Variants in ARAP1 observed in about 807,000 individuals in gnomAD.
ARAP1 encodes the protein arf-GAP with Rho-GAP domain, ANK repeat and PH domain-containing protein 1.
In ARAP1, 76 loss-of-function variants were observed where a neutral mutation model predicts 172.2. That is an observed-to-expected ratio of 0.44 (90% CI 0.37 to 0.53). The LOEUF (loss-of-function observed/expected upper bound fraction) is 0.53, where lower values mean the gene tolerates loss of function less well. Ranked by LOEUF, ARAP1 falls within the 20% of genes least tolerant of loss-of-function variation. ARAP1 has a pLI of 0.00. For synonymous variants in ARAP1, 804 were observed against 803.3 expected (o/e 1.00, Z -0.01); for missense variants, 1,686 against 1,977.5 (o/e 0.85, Z 2.80).
intron 29 of ARAP1, 185 bp from the exon 30 acceptor site, chr11:72,692,970 G>A: frequency 1.3e-6 from 1 of 744,898 alleles, no homozygotes; most frequent in South Asian, 1.6e-5. Flanking sequence ...GGGTGGCCCG[G>A]GAGGCATATG....
intron 30 of ARAP1, among the ~76,000 whole-genome samples, chr11:72,689,203 G>A (rs891063006): frequency 6.6e-6 from 1 of 152,232 alleles, no homozygotes. Context: ...AGGGACACCA[G>A]ATTGCCAAAA....
At position 72,686,096 on chromosome 11, in the gene ARAP1, AC is replaced by A; in HGVS notation, c.4280del (p.Gly1427ValfsTer53). The A allele has an allele frequency of 6.8e-6, 11 of 1,613,868 alleles. No individual in the cohort carries two copies. The highest frequency in any genetic ancestry group is 9.3e-6 in the Non-Finnish European group (11 of 1,179,982). On this transcript the variant is annotated frameshift_variant, in exon 34 of 35. Transcript: ENST00000393609. LOFTEE classifies it high-confidence loss of function. ...LGSVSLIPLR[G>X]SENEMRRSVA... ...CACTCCGGCGCATTTCATTTTCACTACCTCGAAGGGGGATCAGTGACACACT... is the reference window on the plus strand; with the variant it reads ...CACTCCGGCGCATTTCATTTTCACTACTCGAAGGGGGATCAGTGACACACT...
chr11:72,734,444 A>C (rs142847931), intron 1 of ARAP1, among the ~76,000 whole-genome samples: 160 of 152,346 alleles, frequency 1.1e-3, no homozygotes, highest in Non-Finnish European at 3.1e-4. Flanking sequence ...CTTAAAAAAC[A>C]ACCTTTAAGT....
chr11:72,704,195 C>A lies in ARAP1; in HGVS notation c.1949G>T (p.Arg650Leu). Residue 650 changes from arginine to leucine, a missense_variant, in exon 14 of 35, where the codon CGC (arginine) becomes CTC (leucine). By Grantham distance (102) the Arg-to-Leu change is moderately radical (BLOSUM62 -2). Transcript: ENST00000393609. ...LEAKYREGKY[R>L]RYHPLFGNQE... ...GTTGCCAAAGAGCGGGTGGTAGCGGCGGTACTTGCCCTCACGGTACTTGGC... is the reference window on the plus strand; with the variant it reads ...GTTGCCAAAGAGCGGGTGGTAGCGGAGGTACTTGCCCTCACGGTACTTGGC... 6.2e-7 allele frequency: 1 copy of A among 1,614,030 alleles called. No homozygotes were observed. The highest frequency in any genetic ancestry group is 8.5e-7 in the Non-Finnish European group (1 of 1,180,000).
At position 72,699,703 on chromosome 11, in the gene ARAP1, C is replaced by T. The variant is rs1856387485; in HGVS notation, c.2303-151G>A. On this transcript the variant is annotated intron_variant, in intron 16 of 34. Transcript: ENST00000393609. This position sits in a 1 kb window ranked among gnomAD's most constrained non-coding sequence, Gnocchi z 4.2. ...AAATCCATCCACCTCTCTGCATCCCCACCACGCTAGCCAGCCCACAAGTCA... is the reference window on the plus strand; with the variant it reads ...AAATCCATCCACCTCTCTGCATCCCTACCACGCTAGCCAGCCCACAAGTCA... The T allele has an allele frequency of 9.0e-7, 1 of 1,115,182 alleles. No homozygotes were observed. Among genetic ancestry groups the T allele is most frequent in the South Asian group, 1.6e-5 (1 of 63,732 alleles). The allele number at this position is 1,115,182 out of a possible 1,614,324, so 69.1% of individuals were successfully genotyped here.
chr11:72,751,757 C>G, intron 1 of ARAP1, among the ~76,000 whole-genome samples: 1 of 152,126 alleles, frequency 6.6e-6, no homozygotes, highest in South Asian at 2.1e-4. Flanking sequence ...TCCCCTGCCC[C>G]CAGGCTGCAC....
At position 72,712,572 on chromosome 11, in the gene ARAP1, C is replaced by A. The variant is rs768135199; in HGVS notation, c.748-4G>T. ...CTCGGCTCGGTGGGGGCTCCTCCTG[C>A]CCCCGAGACCCACTCAGCGTCATCC... On this transcript the variant is annotated splice_polypyrimidine_tract_variant and splice_region_variant and intron_variant, in intron 5 of 34. Transcript: ENST00000393609. 2 of 1,611,624 alleles carry A rather than the reference C, an allele frequency of 1.2e-6. No individual in the cohort carries two copies. Among genetic ancestry groups the A allele is most frequent in the Non-Finnish European group, 1.7e-6 (2 of 1,179,952 alleles).
Position 72,725,798 on chromosome 11 carries a change from A to C in ARAP1, c.509+822T>G, listed in dbSNP as rs1402288007. On this transcript the variant is annotated intron_variant, in intron 3 of 34. Coordinates refer to ENST00000393609, the MANE Select transcript of ARAP1 (RefSeq NM_001040118.3). This position sits in a 1 kb window ranked among gnomAD's most constrained non-coding sequence, Gnocchi z 4.3. ...GCAGAGTGCCCAGCAATAAACAAAC[A>C]GGGACCAGGAGACCTCTCTCCGCAC... Among the ~76,000 whole-genome samples, 1 of 152,152 alleles carries C rather than the reference A, an allele frequency of 6.6e-6. No homozygotes were observed. The highest frequency in any genetic ancestry group is 6.5e-5 in the Admixed American group (1 of 15,282).
intron 3 of ARAP1, among the ~76,000 whole-genome samples, chr11:72,717,656 C>T (rs538502642): frequency 5.3e-5 from 8 of 152,344 alleles, no homozygotes; most frequent in Non-Finnish European, 1.2e-4. Flanking sequence ...CAGGGACTTA[C>T]AAACACCTGG....
At chr11:72,738,519 G>T (rs1858103456) in intron 1 of ARAP1, among the ~76,000 whole-genome samples, 1 of 152,062 alleles carries the variant, frequency 6.6e-6, no homozygotes, top group Non-Finnish European at 1.5e-5. Flanking sequence ...GGAGCAAGGA[G>T]GGGAGGAAGG....
chr11:72,692,837 G>A (rs1368333780), intron 29 of ARAP1, 52 bp from the exon 30 acceptor site: 1 of 1,607,638 alleles, frequency 6.2e-7, no homozygotes, highest in Non-Finnish European at 8.5e-7. Flanking sequence ...CTAGAGCCAG[G>A]ACAGCATGTG....
At chr11:72,711,301 G>T in intron 8 of ARAP1, 129 bp downstream of exon 8, 2 of 1,464,696 alleles carry the variant, frequency 1.4e-6, no homozygotes, top group Non-Finnish European at 9.4e-7. Flanking sequence ...GGGCCAGGAG[G>T]ACATGGGTTA....
At position 72,712,451 on chromosome 11, in the gene ARAP1, C is replaced by T. The variant is rs1171817346; in HGVS notation, c.865G>A (p.Glu289Lys). 3 of 1,590,604 alleles carry T rather than the reference C, an allele frequency of 1.9e-6. No homozygotes were observed. Among genetic ancestry groups the T allele is most frequent in the Non-Finnish European group, 2.6e-6 (3 of 1,163,950 alleles). The change falls in exon 6 of 35, where the codon GAG (glutamate) becomes AAG (lysine). Residue 289 changes from glutamate to lysine, a missense_variant. By Grantham distance (56) the Glu-to-Lys change is moderately conservative. Coordinates refer to ENST00000393609, the MANE Select transcript of ARAP1 (RefSeq NM_001040118.3). Reference sequence around the variant, plus strand: ...CCGGACACTCACTTGGGGACGCCCTCATAGGCGTGGTCATCCTCTTCCTCA... The same window carrying T: ...CCGGACACTCACTTGGGGACGCCCTTATAGGCGTGGTCATCCTCTTCCTCA... ...GDEEEDDHAYEGVPNGGWHTS... is the reference protein window; with the variant it reads ...GDEEEDDHAYKGVPNGGWHTS...
chr11:72,695,745 G>T lies in ARAP1; in HGVS notation c.3393C>A (p.Leu1131=). 1 of 1,614,210 alleles carries T rather than the reference G, an allele frequency of 6.2e-7. No homozygotes were observed. Among genetic ancestry groups the T allele is most frequent in the Non-Finnish European group, 8.5e-7 (1 of 1,180,034 alleles). ...TAAACACCACCACATAGTGGTTAAT[G>T]AGGTCTTCCACCACACGGCCAGCCT... ...DYKAGRVVED[L]INHYVVVFSV... is the part of the protein sequence containing the mutation. Residue 1131 remains leucine (L), a synonymous_variant, in exon 24 of 35, where the codon CTC becomes CTA. Coordinates refer to ENST00000393609, the MANE Select transcript of ARAP1 (RefSeq NM_001040118.3). The surrounding 1 kb of genome is among the most constrained non-coding windows in gnomAD (Gnocchi z 4.4).
At position 72,699,458 on chromosome 11, in the gene ARAP1, G is replaced by A. The variant is rs142314530; in HGVS notation, c.2397C>T (p.Ser799=). 85 of 1,613,938 alleles carry A rather than the reference G, an allele frequency of 5.3e-5. No individual in the cohort carries two copies. The highest frequency in any genetic ancestry group is 6.9e-5 in the Non-Finnish European group (81 of 1,180,004). The part of the protein sequence containing the change: ...AVTPNGEIRA[S]EIVCLAVPPP... ...GGGGCACTGCCAGGCACACAATCTC[G>A]CTGGCCCGAATCTCTCCATTGGGGG... The change falls in exon 17 of 35, where the codon AGC becomes AGT. Residue 799 remains serine, a synonymous_variant. Coordinates refer to ENST00000393609, the MANE Select transcript of ARAP1 (RefSeq NM_001040118.3). The surrounding 1 kb of genome is among the most constrained non-coding windows in gnomAD (Gnocchi z 4.2).
chr11:72,713,497 G>A (rs1355139195), intron 4 of ARAP1, among the ~76,000 whole-genome samples: 1 of 152,170 alleles, frequency 6.6e-6, no homozygotes, highest in Non-Finnish European at 1.5e-5. Flanking sequence ...TTGGGGGTTG[G>A]GGTAAGGACT....
intron 16 of ARAP1, among the ~76,000 whole-genome samples, chr11:72,701,108 C>A (rs1856462449): frequency 6.6e-6 from 1 of 152,158 alleles, no homozygotes. Context: ...GAGGGACTGG[C>A]CATGCAGATA....
chr11:72,691,110 T>C (rs1160510187), intron 30 of ARAP1, among the ~76,000 whole-genome samples: 3 of 152,216 alleles, frequency 2.0e-5, no homozygotes, highest in African/African-American at 7.2e-5. Context: ...CAAGCTTGCG[T>C]TTCCACACTA....
chr11:72,685,554 A>G lies in ARAP1; in HGVS notation c.*110T>C. 1 of 1,452,578 alleles carries G rather than the reference A, an allele frequency of 6.9e-7. No homozygotes were observed. The highest frequency in any genetic ancestry group is 9.6e-7 in the Non-Finnish European group (1 of 1,036,348). 90.0% of individuals were successfully genotyped at this position (1,452,578 alleles called of 1,614,324 possible). On this transcript the variant is annotated 3_prime_UTR_variant, in exon 35 of 35. Coordinates refer to ENST00000393609, the MANE Select transcript of ARAP1 (RefSeq NM_001040118.3). ...ATGGAGGATGTGGGTTGTGGGGTGC[A>G]GTTTCCCATGCACCCCCCGCTGGCT...
Sources: gnomAD v4.1 joint callset for allele counts (sites outside exome capture counted in the v4.1 genomes callset) on GRCh38, gnomAD v4.1.1 for gene constraint, Gnocchi (gnomAD v3.1) non-coding constraint, MANE v1.5 for transcripts, NCBI Gene and HGNC (gene_info 2026-07-23, HGNC 2026-07-21) for gene names.